The following ESRRB variants were observed in gnomAD, a reference collection of about 807,000 sequenced individuals.
ESRRB encodes estrogen related receptor beta.
A neutral mutation model predicts 46.0 loss-of-function variants in ESRRB; 16 were observed. The observed-to-expected ratio is 0.35, with a 90% CI of 0.24 to 0.53. The LOEUF is 0.53. ESRRB is among the 20% of genes least tolerant of loss of function. The pLI is 0.93. For missense variants in ESRRB, 488 were observed against 607.4 expected (o/e 0.80, Z 2.07); for synonymous variants, 246 against 259.6 (o/e 0.95, Z 0.50).
At chr14:76,472,515 G>A (rs1265433992) in intron 3 of ESRRB, among the ~76,000 whole-genome samples, 1 of 152,234 alleles carries the variant, frequency 6.6e-6, no homozygotes, top group Non-Finnish European at 1.5e-5. Context: ...TCAGGTGTGA[G>A]GCACTCTGCC....
At chr14:76,333,652 A>G (rs1458386783) in intron 1 of ESRRB, among the ~76,000 whole-genome samples, 2 of 150,918 alleles carry the variant, frequency 1.3e-5, no homozygotes, top group Admixed American at 6.7e-5. Flanking sequence ...CAAAAGAAAC[A>G]GTTGAAATCA....
intron 1 of ESRRB, among the ~76,000 whole-genome samples, chr14:76,436,611 A>G (rs892207270): frequency 3.9e-5 from 6 of 152,198 alleles, no homozygotes; most frequent in Admixed American, 3.9e-4. Flanking sequence ...GCCTCGTGGA[A>G]GGGTGCCTGA....
intron 1 of ESRRB, among the ~76,000 whole-genome samples, chr14:76,357,171 T>C (rs759211817): frequency 2.8e-4 from 43 of 152,248 alleles, no homozygotes; most frequent in Non-Finnish European, 2.4e-4. Context: ...TTTTTCTGGG[T>C]TCACGGGGCA....
chr14:76,452,031 G>A (rs1239854926), intron 2 of ESRRB, among the ~76,000 whole-genome samples: 1 of 151,362 alleles, frequency 6.6e-6, no homozygotes, highest in Non-Finnish European at 1.5e-5. Flanking sequence ...TGCAACCTCC[G>A]CCTGGGTTCA....
chr14:76,317,310 CTGTG>C (rs4024313), intron 1 of ESRRB, among the ~76,000 whole-genome samples: 6,098 of 134,424 alleles, frequency 0.045, 129 homozygotes, highest in East Asian at 0.1. Flanking sequence ...TGATTAGGCT[CTGTG>C]TGTGTGTGTG....
chr14:76,324,171 G>T (rs997381704), intron 1 of ESRRB, among the ~76,000 whole-genome samples: 6 of 152,226 alleles, frequency 3.9e-5, no homozygotes, highest in African/African-American at 1.4e-4. Context: ...GCTAAGCAAA[G>T]CTGTGGACTC....
At chr14:76,361,415 C>A (rs1053081449) in intron 1 of ESRRB, among the ~76,000 whole-genome samples, 1 of 152,206 alleles carries the variant, frequency 6.6e-6, no homozygotes, top group Non-Finnish European at 1.5e-5. Context: ...TCCATTACCT[C>A]CAAAGTTTCC....
At chr14:76,417,413 C>G (rs1012117059) in intron 1 of ESRRB, among the ~76,000 whole-genome samples, 11 of 152,120 alleles carry the variant, frequency 7.2e-5, no homozygotes, top group African/African-American at 2.7e-4. Context: ...ACAGGCTTTG[C>G]AGGCCATGGA....
intron 3 of ESRRB, among the ~76,000 whole-genome samples, chr14:76,479,487 T>C (rs1273764118): frequency 6.6e-6 from 1 of 152,182 alleles, no homozygotes; most frequent in Non-Finnish European, 1.5e-5. Context: ...CAACAACAAA[T>C]GTCAGTTACA....
intron 1 of ESRRB, among the ~76,000 whole-genome samples, chr14:76,423,128 A>T (rs11850775): frequency 0.19 from 27,781 of 148,826 alleles, 2,727 homozygotes; most frequent in Admixed American, 0.25. Context: ...AAAAATGCAT[A>T]TATCTTTCAT....
At chr14:76,368,253 A>G (rs551023474), upstream of ESRRB, among the ~76,000 whole-genome samples, 1 of 151,070 alleles carries the variant, frequency 6.6e-6, no homozygotes, top group Non-Finnish European at 1.5e-5. Context: ...GATTACAGGC[A>G]TGAGCCACTG....
At chr14:76,340,443 G>A (rs1438810248) in intron 1 of ESRRB, among the ~76,000 whole-genome samples, 1 of 152,146 alleles carries the variant, frequency 6.6e-6, no homozygotes, top group Non-Finnish European at 1.5e-5. Flanking sequence ...CCTATGGTTC[G>A]GTTCCGTGGC....
chr14:76,460,082 A>G (rs887605181), intron 2 of ESRRB, among the ~76,000 whole-genome samples: 1 of 152,216 alleles, frequency 6.6e-6, no homozygotes, highest in Non-Finnish European at 1.5e-5. Context: ...TGCTACCTCA[A>G]AGCACTTTGT....
intron 1 of ESRRB, among the ~76,000 whole-genome samples, chr14:76,359,285 G>A (rs529451468): frequency 5.5e-4 from 84 of 152,306 alleles, no homozygotes; most frequent in African/African-American, 1.8e-3. Flanking sequence ...CTGTCGTCAG[G>A]TATGAAAGGT....
chr14:76,448,296 A>G (rs905164400), intron 2 of ESRRB, among the ~76,000 whole-genome samples: 4 of 149,508 alleles, frequency 2.7e-5, no homozygotes, highest in Admixed American at 1.3e-4. Context: ...GAAGAGTACA[A>G]GCTCCTAAGG....
At chr14:76,475,304 G>A (rs1015886525) in intron 3 of ESRRB, among the ~76,000 whole-genome samples, 3 of 151,514 alleles carry the variant, frequency 2.0e-5, no homozygotes, top group African/African-American at 4.9e-5. Flanking sequence ...AGTAGTTTGA[G>A]GTTGCAGCGA....
chr14:76,373,500 C>T (rs1884672153), upstream of ESRRB, among the ~76,000 whole-genome samples: 1 of 152,122 alleles, frequency 6.6e-6, no homozygotes, highest in African/African-American at 2.4e-5. Context: ...AATCCATCCT[C>T]CGTGAGTTGG....
chr14:76,358,778 G>A (rs1884429416), intron 1 of ESRRB, among the ~76,000 whole-genome samples: 1 of 152,198 alleles, frequency 6.6e-6, no homozygotes, highest in Non-Finnish European at 1.5e-5. Context: ...CCTGTTTTCT[G>A]AGATTGTTTG....
intron 1 of ESRRB, among the ~76,000 whole-genome samples, chr14:76,321,905 T>TA (rs2139727496): frequency 1.3e-5 from 2 of 150,764 alleles, no homozygotes; most frequent in African/African-American, 4.9e-5. Flanking sequence ...AAAAAATATA[T>TA]TCTTCCCATT....
Sources: gnomAD v4.1 joint callset for allele counts (sites outside exome capture counted in the v4.1 genomes callset) on GRCh38, gnomAD v4.1.1 for gene constraint, MANE v1.5 for transcripts, NCBI Gene and HGNC (gene_info 2026-07-23, HGNC 2026-07-21) for gene names.